Variants in LNPK observed in about 807,000 individuals in gnomAD.
LNPK encodes the protein lunapark, ER junction formation factor, also known as endoplasmic reticulum junction formation protein lunapark.
LNPK carries 29 observed loss-of-function variants against 55.2 expected under a neutral mutation model. That is an observed-to-expected ratio of 0.53 (90% CI 0.39 to 0.72). The LOEUF is 0.72. Among genes scored for constraint, LNPK ranks in the 30% least tolerant of loss-of-function variants. The pLI, the probability that LNPK is intolerant of heterozygous loss-of-function variation, is 0.00. For synonymous variants in LNPK, 162 were observed against 168.2 expected, an observed-to-expected ratio of 0.96 and a Z score of 0.29; for missense variants, 467 against 494.8, an observed-to-expected ratio of 0.94 and a Z score of 0.53.
chr2:175,992,753 C>T (rs1687761946), intron 3 of LNPK, among the ~76,000 whole-genome samples: 1 of 152,000 alleles, frequency 6.6e-6, no homozygotes, highest in South Asian at 2.1e-4. Flanking sequence ...CTATAAAAGG[C>T]ATTTAAAAAA....
rs1687257189 is a variant in LNPK at position 175,983,257 on chromosome 2, A to G, written c.258-3389T>C. ...ATTATTCAGAAGTGCACTATTTACA[A>G]AGAGTATTCTGTTCCTATGGCAAGG... On this transcript the variant is annotated intron_variant, in intron 4 of 12. Coordinates refer to ENST00000272748, the MANE Select transcript of LNPK (RefSeq NM_030650.3). Among the ~76,000 whole-genome samples, 8 of 152,308 alleles carry G rather than the reference A, an allele frequency of 5.3e-5. No individual in the cohort carries two copies. In the South Asian group the frequency reaches 1.7e-3, roughly 32 times the overall value.
At chr2:175,951,374 G>A (rs55711911) in intron 8 of LNPK, among the ~76,000 whole-genome samples, 6,863 of 151,132 alleles carry the variant, frequency 0.045, 225 homozygotes, top group Admixed American at 0.069. Context: ...TCCCCTTCCC[G>A]CCCTTTCCCC....
intron 11 of LNPK, among the ~76,000 whole-genome samples, chr2:175,938,095 G>A (rs539251744): frequency 6.6e-6 from 1 of 152,244 alleles, no homozygotes; most frequent in East Asian, 1.9e-4. Context: ...GTGATGCACA[G>A]TGGGGTTTGA....
At position 175,930,083 on chromosome 2, in the gene LNPK, C is replaced by T. The variant is rs376821621; in HGVS notation, c.1171G>A (p.Glu391Lys). 4.3e-6 allele frequency: 7 copies of T among 1,613,900 alleles called. No individual in the cohort carries two copies. The African/African-American group carries it at 8.0e-5, about 18-fold the overall frequency. The stretch of plus-strand genomic sequence containing the variant: ...TCCTCATTCTCAGTCTCTTGTTTCT[C>T]CTCTGGTTCCTCTGAGTCAGATGCT... Reference protein sequence around the residue: ...EKASDSEEPEEKQETENEEAS... With the variant: ...EKASDSEEPEKKQETENEEAS... The change falls in exon 13 of 13, where the codon GAG (glutamate) becomes AAG (lysine). Residue 391 changes from glutamate (E) to lysine (K), a missense_variant. Transcript: ENST00000272748.
chr2:175,940,370 C>T (rs1684771227), intron 9 of LNPK, among the ~76,000 whole-genome samples: 1 of 151,668 alleles, frequency 6.6e-6, no homozygotes, highest in South Asian at 2.1e-4. Context: ...TGCAGAGGGT[C>T]TACTGGAGAA....
At position 175,970,816 on chromosome 2, in the gene LNPK, G is replaced by C. The variant is rs1242652243; in HGVS notation, c.317-12C>G. Reference sequence around the variant, plus strand: ...ATCCAATGCTTCATCTAGAAAGCAAGATTTAAATCAAAGATTAAGATATTT... The same window carrying C: ...ATCCAATGCTTCATCTAGAAAGCAACATTTAAATCAAAGATTAAGATATTT... On this transcript the variant is annotated splice_polypyrimidine_tract_variant and intron_variant, in intron 5 of 12. Transcript: ENST00000272748. 7.1e-7 allele frequency: 1 copy of C among 1,408,206 alleles called. No homozygotes were observed. Among genetic ancestry groups the C allele is most frequent in the Non-Finnish European group, 9.5e-7 (1 of 1,055,332 alleles). 87.2% of individuals were successfully genotyped at this position (1,408,206 alleles called of 1,614,324 possible).
rs1299686982 is a variant in LNPK at position 175,926,008 on chromosome 2, G to T, written c.*3959C>A. On this transcript the variant is annotated 3_prime_UTR_variant, in exon 13 of 13. Transcript: ENST00000272748. ...TTAAAAACTCAGGCTGCAGCACACA[G>T]AATAGATAGCAAGTGCACAAGGTTG... 6.6e-6 allele frequency: 1 copy of T among 152,144 alleles called. No individual in the cohort carries two copies. Among genetic ancestry groups the T allele is most frequent in the Non-Finnish European group, 1.5e-5 (1 of 68,038 alleles). The allele number at this position is 152,144 out of a possible 1,614,324, so 9.4% of individuals were successfully genotyped here.
rs1052790754 is a variant in LNPK, at chr2:175,946,526, GTTTT to G, written c.706+950_706+953del. Among the ~76,000 whole-genome samples, 5 of 151,964 alleles carry G rather than the reference GTTTT, an allele frequency of 3.3e-5. 1 individual carries two copies. Among genetic ancestry groups the G allele is most frequent in the Non-Finnish European group, 7.4e-5 (5 of 67,954 alleles). On this transcript the variant is annotated intron_variant, in intron 9 of 12. Transcript: ENST00000272748. Reference sequence around the variant, plus strand: ...TTCTTAATTTGTTAATAAATGAAGAGTTTTTTTAGTCTTCTAAAATCTTATGCTG... The same window carrying G: ...TTCTTAATTTGTTAATAAATGAAGAGTTTAGTCTTCTAAAATCTTATGCTG...
intron 6 of LNPK, 60 bp downstream of exon 6, chr2:175,970,704 A>G: frequency 1.1e-6 from 1 of 929,276 alleles, no homozygotes; most frequent in Non-Finnish European, 1.5e-6. Context: ...ACACATAAAC[A>G]TTAATTATTC....
rs1314710986 is a variant in LNPK at position 175,928,668 on chromosome 2, C to T, written c.*1299G>A. ...TCTTATACAGGTATATTTTTCCCTT[C>T]AGCATAATAATTTGATTTCCATTTT... On this transcript the variant is annotated 3_prime_UTR_variant, in exon 13 of 13. Transcript: ENST00000272748. 2.0e-5 allele frequency: 3 copies of T among 151,976 alleles called. No individual in the cohort carries two copies. The highest frequency in any genetic ancestry group is 7.3e-5 in the African/African-American group (3 of 41,374). 9.4% of individuals were successfully genotyped at this position (151,976 alleles called of 1,614,324 possible).
At chr2:175,953,222 C>T (rs1685506932) in intron 8 of LNPK, among the ~76,000 whole-genome samples, 1 of 152,022 alleles carries the variant, frequency 6.6e-6, no homozygotes, top group African/African-American at 2.4e-5. Context: ...TCTTAAATGT[C>T]AATGTTCCCT....
chr2:175,967,773 T>C (rs967017993), intron 6 of LNPK: 1 of 970,976 alleles, frequency 1.0e-6, no homozygotes, highest in African/African-American at 1.8e-5. Context: ...CACATCTTTC[T>C]TCTTTGCATT....
chr2:175,996,234 T>G (rs956989794), intron 1 of LNPK, among the ~76,000 whole-genome samples: 1 of 152,216 alleles, frequency 6.6e-6, no homozygotes, highest in Non-Finnish European at 1.5e-5. Context: ...TTTGCAATTT[T>G]CTATCCTTTA....
At chr2:175,933,948 G>T (rs1327802386) in intron 12 of LNPK, among the ~76,000 whole-genome samples, 1 of 152,100 alleles carries the variant, frequency 6.6e-6, no homozygotes, top group African/African-American at 2.4e-5. Context: ...GGCCAGGCTG[G>T]TCTCGAACTG....
At chr2:175,968,125 A>C (rs1000514510) in intron 6 of LNPK, among the ~76,000 whole-genome samples, 4 of 152,188 alleles carry the variant, frequency 2.6e-5, no homozygotes, top group African/African-American at 7.2e-5. Flanking sequence ...ATGATTCTGT[A>C]CTGTTCCCAG....
chr2:175,939,719 C>T, intron 9 of LNPK, 62 bp from the exon 10 acceptor site: 1 of 816,484 alleles, frequency 1.2e-6, no homozygotes, highest in Non-Finnish European at 1.9e-6. Flanking sequence ...AATTTAATTC[C>T]ATTACCAAGA....
chr2:175,930,342 A>T, intron 12 of LNPK, 143 bp from the exon 13 acceptor site: 1 of 660,166 alleles, frequency 1.5e-6, no homozygotes, highest in Non-Finnish European at 2.6e-6. Flanking sequence ...ATTGTCTAAC[A>T]TTATCCTTAA....
At chr2:176,001,837 C>G (rs1316078054) in intron 1 of LNPK, among the ~76,000 whole-genome samples, 1 of 152,128 alleles carries the variant, frequency 6.6e-6, no homozygotes, top group Non-Finnish European at 1.5e-5. Context: ...AGAGCTGGGG[C>G]TCAAGCCAGT....
At chr2:175,938,463 C>G (rs1684658447) in intron 10 of LNPK, 80 bp from the exon 11 acceptor site, 1 of 657,272 alleles carries the variant, frequency 1.5e-6, no homozygotes, top group African/African-American at 1.9e-5. Context: ...GCCATCATGG[C>G]TAATTTATAT....
Sources: allele counts gnomAD v4.1 joint callset (sites outside exome capture counted in the v4.1 genomes callset), GRCh38; gene constraint gnomAD v4.1.1; transcripts MANE v1.5; gene names NCBI Gene and HGNC (gene_info 2026-07-23, HGNC 2026-07-21).